The following PRR16 variants were observed in gnomAD, a reference collection of about 807,000 sequenced individuals.
The protein encoded by PRR16 is protein Largen.
A neutral mutation model predicts 18.2 loss-of-function variants in PRR16; 6 were observed. The observed-to-expected ratio is 0.33, with a 90% confidence interval of 0.18 to 0.65. The LOEUF (loss-of-function observed/expected upper bound fraction) is 0.65, where lower values mean the gene tolerates loss of function less well. Ranked by LOEUF, PRR16 falls within the 30% of genes least tolerant of loss-of-function variation. The pLI is 0.74. For synonymous variants in PRR16, 151 were observed against 147.8 expected (o/e 1.02, Z -0.16); for missense variants, 412 against 376.6 (o/e 1.09, Z -0.78).
At chr5:120,708,311 A>G in the PRR16 span, among the ~76,000 whole-genome samples, 2 of 152,224 alleles carry the variant, frequency 1.3e-5, no homozygotes, top group Non-Finnish European at 2.9e-5. Context: ...TGTGGTAATG[A>G]ATTTATCAAA....
At chr5:120,776,720 T>C in the PRR16 span, among the ~76,000 whole-genome samples, 4 of 152,146 alleles carry the variant, frequency 2.6e-5, no homozygotes, top group African/African-American at 9.6e-5. Context: ...ATTATATTTG[T>C]ATTTGTACTT....
At chr5:120,702,654 G>A in the PRR16 span, among the ~76,000 whole-genome samples, 119 of 152,252 alleles carry the variant, frequency 7.8e-4, 1 homozygote, top group African/African-American at 2.7e-3. Flanking sequence ...GACCGGCGCC[G>A]GAGTTTTGGG....
At chr5:120,465,907 A>G (rs568474585) in intron 1 of PRR16, among the ~76,000 whole-genome samples, 1 of 152,036 alleles carries the variant, frequency 6.6e-6, no homozygotes. Context: ...TCAATTTCCA[A>G]ACCAAATTTC....
At chr5:120,776,365 C>T in the PRR16 span, among the ~76,000 whole-genome samples, 34 of 152,008 alleles carry the variant, frequency 2.2e-4, no homozygotes, top group Non-Finnish European at 5.0e-4. Flanking sequence ...GCAGTTCAGG[C>T]CACAAATGTA....
intron 1 of PRR16, among the ~76,000 whole-genome samples, chr5:120,503,937 A>G (rs907335288): frequency 7.9e-5 from 12 of 151,910 alleles, no homozygotes; most frequent in Non-Finnish European, 1.2e-4. Flanking sequence ...ATGATTTCCA[A>G]TTTCATCCAT....
At chr5:120,761,677 A>G in the PRR16 span, among the ~76,000 whole-genome samples, 40 of 152,270 alleles carry the variant, frequency 2.6e-4, no homozygotes, top group South Asian at 7.0e-3. Flanking sequence ...TGATCAAGAC[A>G]GGGTATTAAA....
intron 1 of PRR16, among the ~76,000 whole-genome samples, chr5:120,573,042 T>C (rs946766909): frequency 8.5e-5 from 13 of 152,142 alleles, no homozygotes; most frequent in Non-Finnish European, 1.0e-4. Flanking sequence ...TGCATTTTTT[T>C]AGTATGCCTC....
At chr5:120,602,095 G>A (rs1754002646) in intron 1 of PRR16, among the ~76,000 whole-genome samples, 1 of 151,948 alleles carries the variant, frequency 6.6e-6, no homozygotes, top group Admixed American at 6.6e-5. Flanking sequence ...TACTAATTCT[G>A]TGAAAAATGA....
At chr5:120,773,025 A>G in the PRR16 span, among the ~76,000 whole-genome samples, 1 of 152,114 alleles carries the variant, frequency 6.6e-6, no homozygotes, top group Non-Finnish European at 1.5e-5. Context: ...AGTATACTAT[A>G]TTATATAGAT....
intron 1 of PRR16, among the ~76,000 whole-genome samples, chr5:120,683,264 G>A (rs535512188): frequency 5.9e-5 from 9 of 152,194 alleles, no homozygotes; most frequent in African/African-American, 1.4e-4. Context: ...GGGCTGAAGC[G>A]AGTGGATCAT....
chr5:120,616,452 G>T (rs141146751), intron 1 of PRR16, among the ~76,000 whole-genome samples: 301 of 152,250 alleles, frequency 2.0e-3, no homozygotes, highest in African/African-American at 7.1e-3. Context: ...TGTAGATTTA[G>T]TGTAGTCTTT....
At chr5:120,678,726 C>T (rs1397634754) in intron 1 of PRR16, among the ~76,000 whole-genome samples, 1 of 152,140 alleles carries the variant, frequency 6.6e-6, no homozygotes, top group African/African-American at 2.4e-5. Context: ...ATCATATCAT[C>T]TGCAAATAAA....
the PRR16 span, among the ~76,000 whole-genome samples, chr5:120,767,515 A>T: frequency 1.3e-5 from 2 of 151,860 alleles, no homozygotes; most frequent in Non-Finnish European, 2.9e-5. Flanking sequence ...ATGCAGCATT[A>T]GCTGTTCTCC....
chr5:120,688,329 G>A (rs2150158238), downstream of PRR16, among the ~76,000 whole-genome samples: 1 of 152,252 alleles, frequency 6.6e-6, no homozygotes, highest in Admixed American at 6.5e-5. Context: ...TGTTTCATAG[G>A]TGTTGGACAT....
At chr5:120,663,479 T>G (rs1344586579) in intron 1 of PRR16, among the ~76,000 whole-genome samples, 2 of 152,306 alleles carry the variant, frequency 1.3e-5, no homozygotes, top group East Asian at 3.9e-4. Context: ...TAAGTCATTT[T>G]ATTTCCACTT....
At chr5:120,610,038 C>T (rs1299705953) in intron 1 of PRR16, among the ~76,000 whole-genome samples, 1 of 152,118 alleles carries the variant, frequency 6.6e-6, no homozygotes, top group African/African-American at 2.4e-5. Context: ...TTGTGTGGCA[C>T]CCTTCACGGG....
At chr5:120,766,777 C>G in the PRR16 span, among the ~76,000 whole-genome samples, 1 of 151,872 alleles carries the variant, frequency 6.6e-6, no homozygotes, top group Non-Finnish European at 1.5e-5. Flanking sequence ...GGACATATTG[C>G]TACAAATTGA....
rs748914416 is a variant in PRR16 at position 120,686,685 on chromosome 5, G to C, written c.891G>C (p.Arg297Ser). ...CAAAACCACAGAAGACGATCTTGAG[G>C]AAGTCAACCACTACAACCGTGTGAT... The part of the protein sequence containing the change: ...TAPKPQKTIL[R>S]KSTTTTV Residue 297 changes from arginine (R) to serine (S), a missense_variant, in exon 2 of 2, where the codon AGG (arginine) becomes AGC (serine). Arg to Ser is a moderately radical substitution (Grantham distance 110). Coordinates refer to ENST00000407149, the MANE Select transcript of PRR16 (RefSeq NM_001300783.2). 6.4e-7 allele frequency: 1 copy of C among 1,556,500 alleles called. No individual in the cohort carries two copies. Among genetic ancestry groups the C allele is most frequent in the East Asian group, 2.3e-5 (1 of 44,260 alleles).
At chr5:120,668,679 G>C (rs1318071136) in intron 1 of PRR16, among the ~76,000 whole-genome samples, 20 of 152,166 alleles carry the variant, frequency 1.3e-4, no homozygotes, top group Non-Finnish European at 2.6e-4. Flanking sequence ...GCATTTGCTT[G>C]TCTGTAAAGT....
Sources: allele counts gnomAD v4.1 joint callset (sites outside exome capture counted in the v4.1 genomes callset), GRCh38; gene constraint gnomAD v4.1.1; transcripts MANE v1.5; gene names NCBI Gene and HGNC (gene_info 2026-07-23, HGNC 2026-07-21).